XKR9: variants seen among roughly 807,000 people sequenced by gnomAD.
XKR9 encodes XK related 9.
XKR9 carries 32 observed loss-of-function variants against 32.0 expected under a neutral mutation model. The ratio of observed to expected loss-of-function variants is 1.00; its 90% CI spans 0.76 to 1.34. XKR9 has a LOEUF of 1.34. XKR9 is among the 40% of genes most tolerant of loss of function. XKR9 has a pLI of 0.00. For missense variants in XKR9, 546 were observed against 429.7 expected (o/e 1.27, Z -2.39); for synonymous variants, 168 against 143.4 (o/e 1.17, Z -1.22).
chr8:70,749,864 T>G (rs970899730), intron 2 of XKR9, among the ~76,000 whole-genome samples: 13 of 152,232 alleles, frequency 8.5e-5, no homozygotes, highest in Non-Finnish European at 2.9e-5. Context: ...CATCTTAGTT[T>G]TTCATTAGAC....
At chr8:70,898,058 G>A in the XKR9 span, among the ~76,000 whole-genome samples, 1 of 152,172 alleles carries the variant, frequency 6.6e-6, no homozygotes, top group African/African-American at 2.4e-5. Flanking sequence ...TTAGATTTAA[G>A]TCTGTAATCC....
the XKR9 span, among the ~76,000 whole-genome samples, chr8:70,880,142 TTA>T: frequency 6.6e-6 from 1 of 152,100 alleles, no homozygotes; most frequent in African/African-American, 2.4e-5. Context: ...TAAGAGCTGT[TTA>T]TGACACACCC....
the XKR9 span, among the ~76,000 whole-genome samples, chr8:70,950,780 T>C: frequency 1.3e-5 from 2 of 152,164 alleles, no homozygotes; most frequent in Non-Finnish European, 2.9e-5. Context: ...ATCAAGTGAT[T>C]CTGCTGCCTC....
At chr8:70,880,733 G>T in the XKR9 span, among the ~76,000 whole-genome samples, 1 of 152,084 alleles carries the variant, frequency 6.6e-6, no homozygotes, top group East Asian at 1.9e-4. Context: ...TCCCCATCAA[G>T]CTACCAATGA....
chr8:70,711,918 C>T (rs1454289491), intron 4 of XKR9, among the ~76,000 whole-genome samples: 1 of 143,244 alleles, frequency 7.0e-6, no homozygotes, highest in East Asian at 2.0e-4. Flanking sequence ...ATTTGTATAC[C>T]TAACCCCAGT....
At chr8:70,829,372 A>C in the XKR9 span, among the ~76,000 whole-genome samples, 2 of 152,160 alleles carry the variant, frequency 1.3e-5, no homozygotes, top group Non-Finnish European at 2.9e-5. Context: ...TTCAGGACTT[A>C]TCTCAGGTTT....
chr8:70,984,219 T>C, the XKR9 span, among the ~76,000 whole-genome samples: 1 of 152,210 alleles, frequency 6.6e-6, no homozygotes, highest in African/African-American at 2.4e-5. Flanking sequence ...TTGCCACTGC[T>C]ATTCTAATTG....
the XKR9 span, among the ~76,000 whole-genome samples, chr8:71,051,884 T>C: frequency 6.6e-6 from 1 of 152,210 alleles, no homozygotes; most frequent in Non-Finnish European, 1.5e-5. Flanking sequence ...TATCGTGAAG[T>C]TGTATCAGTT....
In XKR9 at chr8:70,776,961, A is replaced by ATATG. The variant is rs1554556868; in HGVS notation, n.353-12370_353-12367dup. ...TCTCTCTCTCTCTATATATATATAT[A>ATATG]TATGTATGTATTATACTTTAAGTTC... On this transcript the variant is annotated intron_variant and non_coding_transcript_variant, in intron 2 of 3. Transcript: ENST00000520273. Among the ~76,000 whole-genome samples, 431 of 88,060 alleles carry ATATG rather than the reference A, an allele frequency of 4.9e-3. 6 individuals are homozygous for ATATG. Among genetic ancestry groups the ATATG allele is most frequent in the Middle Eastern group, 0.014 (2 of 140 alleles). The allele number at this position is 88,060 out of a possible 152,430, so 57.8% of individuals were successfully genotyped here.
At chr8:70,760,023 T>C (rs1807286759) in intron 2 of XKR9, among the ~76,000 whole-genome samples, 1 of 152,234 alleles carries the variant, frequency 6.6e-6, no homozygotes, top group African/African-American at 2.4e-5. Flanking sequence ...TATATTTTTG[T>C]TTTCAAATAA....
chr8:70,993,177 C>T, the XKR9 span, among the ~76,000 whole-genome samples: 4 of 151,738 alleles, frequency 2.6e-5, no homozygotes, highest in African/African-American at 9.7e-5. Context: ...AGTTAGAACC[C>T]TAGAGTCTAG....
At chr8:70,783,288 A>G (rs1019458212) in intron 2 of XKR9, among the ~76,000 whole-genome samples, 3 of 150,566 alleles carry the variant, frequency 2.0e-5, no homozygotes, top group African/African-American at 7.4e-5. Context: ...GTGCAGTGGC[A>G]TGATCTTGGC....
At chr8:70,737,465 TCTC>T (rs1178625732), downstream of XKR9, among the ~76,000 whole-genome samples, 1 of 144,782 alleles carries the variant, frequency 6.9e-6, no homozygotes, top group South Asian at 2.2e-4. Flanking sequence ...TTTATTTCCT[TCTC>T]CTGCCTAATT....
the XKR9 span, among the ~76,000 whole-genome samples, chr8:71,044,054 A>T: frequency 6.6e-6 from 1 of 152,176 alleles, no homozygotes. Context: ...GATTCATTAA[A>T]ATTCATGGCA....
intron 2 of XKR9, among the ~76,000 whole-genome samples, chr8:70,754,416 T>A (rs1352596130): frequency 2.4e-5 from 3 of 126,274 alleles, no homozygotes; most frequent in African/African-American, 7.6e-5. Flanking sequence ...AAAAACTACT[T>A]TAAAGTTCAT....
At chr8:70,913,322 A>T in the XKR9 span, among the ~76,000 whole-genome samples, 1 of 152,172 alleles carries the variant, frequency 6.6e-6, no homozygotes, top group Non-Finnish European at 1.5e-5. Flanking sequence ...AAAAGCATAT[A>T]TTAAGGTTGA....
chr8:70,973,954 GT>G, the XKR9 span, among the ~76,000 whole-genome samples: 1 of 152,158 alleles, frequency 6.6e-6, no homozygotes, highest in African/African-American at 2.4e-5. Flanking sequence ...TGGGTAGAAT[GT>G]TTCATCAATA....
the XKR9 span, among the ~76,000 whole-genome samples, chr8:70,970,998 T>G: frequency 6.6e-6 from 1 of 152,224 alleles, no homozygotes; most frequent in Non-Finnish European, 1.5e-5. Context: ...TAAAGACACA[T>G]GCACATGTAT....
chr8:70,753,479 C>A (rs1265429449), intron 2 of XKR9, among the ~76,000 whole-genome samples: 1 of 152,164 alleles, frequency 6.6e-6, no homozygotes, highest in African/African-American at 2.4e-5. Flanking sequence ...GAATTTTAGA[C>A]CAATATCCTT....
Sources: allele counts gnomAD v4.1 joint callset (sites outside exome capture counted in the v4.1 genomes callset), GRCh38; gene constraint gnomAD v4.1.1; transcripts MANE v1.5; gene names NCBI Gene and HGNC (gene_info 2026-07-23, HGNC 2026-07-21).